ARL10: variants seen among roughly 807,000 people sequenced by gnomAD.
ARL10 encodes ARF like GTPase 10.
Under a neutral mutation model 26.1 loss-of-function variants are expected in ARL10, and 23 were observed. The ratio of observed to expected loss-of-function variants is 0.88; its 90% CI spans 0.63 to 1.25. The LOEUF (loss-of-function observed/expected upper bound fraction) is 1.25, where lower values mean the gene tolerates loss of function less well. ARL10 is among the 50% of genes most tolerant of loss of function. The probability of loss-of-function intolerance (pLI) is 0.00; values close to 1 mark genes in which losing one functional copy is unlikely to be tolerated. For missense variants in ARL10, 300 were observed against 323.6 expected (o/e 0.93, Z 0.56); for synonymous variants, 138 against 149.1 (o/e 0.93, Z 0.54).
At chr5:176,400,435 G>C (rs1756762265) in intron 1 of ARL10, among the ~76,000 whole-genome samples, 1 of 152,154 alleles carries the variant, frequency 6.6e-6, no homozygotes. Flanking sequence ...GCCAGGACTA[G>C]AGTCCAGGTC....
intron 1 of ARL10, chr5:176,387,078 CT>C (rs370678945): frequency 0.018 from 4,145 of 227,682 alleles, no homozygotes; most frequent in Middle Eastern, 0.036. Flanking sequence ...CTCTCTCTCT[CT>C]TTTTTTTTTT....
In ARL10 at chr5:176,377,207, A is replaced by G. The variant is rs537475100; in HGVS notation, c.*5312A>G. 1.3e-5 allele frequency: 2 copies of G among 152,346 alleles called. No homozygotes were observed. The highest frequency in any genetic ancestry group is 3.9e-4 in the East Asian group (2 of 5,194). 9.4% of individuals were successfully genotyped at this position (152,346 alleles called of 1,614,324 possible). A position where few individuals can be genotyped will look rare whatever the true frequency, so the allele number is the denominator to read the frequency against. Reference sequence around the variant, plus strand: ...CAGAAAAAAATGAAATTCAAAGCCAATGGTGGTATCTTTGGCCAAGATAAT... The same window carrying G: ...CAGAAAAAAATGAAATTCAAAGCCAGTGGTGGTATCTTTGGCCAAGATAAT... On this transcript the variant is annotated 3_prime_UTR_variant, in exon 4 of 4. Transcript: ENST00000310389. This position sits in a 1 kb window ranked among gnomAD's most constrained non-coding sequence, Gnocchi z 4.5.
chr5:176,369,615 T>C (rs1480470903), intron 3 of ARL10, among the ~76,000 whole-genome samples: 5 of 152,186 alleles, frequency 3.3e-5, no homozygotes, highest in African/African-American at 1.2e-4. Flanking sequence ...ATTTTATAGA[T>C]GGGACAGGCT....
chr5:176,401,395 C>T (rs1296293318), intron 1 of ARL10, among the ~76,000 whole-genome samples: 1 of 152,226 alleles, frequency 6.6e-6, no homozygotes, highest in Admixed American at 6.5e-5. Context: ...CACCCAATCC[C>T]CACTCCTTGA....
downstream of ARL10, chr5:176,406,466 T>C (rs1263461747): frequency 5.1e-6 from 6 of 1,184,232 alleles, no homozygotes; most frequent in African/African-American, 9.7e-5. Context: ...TTCTTTGGGA[T>C]TGATCAGCTA....
downstream of ARL10, chr5:176,389,362 C>CG (rs746966982): frequency 1.2e-6 from 2 of 1,613,848 alleles, no homozygotes; most frequent in African/African-American, 2.7e-5. Context: ...CCCTCACCTA[C>CG]GGCCTCTACT....
At chr5:176,411,095 C>T in the ARL10 span, among the ~76,000 whole-genome samples, 1 of 152,242 alleles carries the variant, frequency 6.6e-6, no homozygotes, top group African/African-American at 2.4e-5. Context: ...GTCTCTTTCT[C>T]TTCTCCTGTG....
downstream of ARL10, among the ~76,000 whole-genome samples, chr5:176,403,424 T>TTGGTTTTTTGTTTTTTGG (rs1160802483): frequency 1.3e-5 from 2 of 150,988 alleles, no homozygotes; most frequent in Non-Finnish European, 3.0e-5. Context: ...CCCTACATGG[T>TTGGTTTTTTGTTTTTTGG]TGGTTTTTTG....
In ARL10 at chr5:176,368,045, G is replaced by A. The variant is rs1561772027; in HGVS notation, c.386-762G>A. 1 of 512,662 alleles carries A rather than the reference G, an allele frequency of 2.0e-6. No individual in the cohort carries two copies. 31.8% of individuals were successfully genotyped at this position (512,662 alleles called of 1,614,324 possible). On this transcript the variant is annotated intron_variant, in intron 2 of 3. Transcript: ENST00000310389. This position sits in a 1 kb window ranked among gnomAD's most constrained non-coding sequence, Gnocchi z 4.1. ...GTGCTGAGGGCTTTGTGGGGATTCA[G>A]AGGTAAGTGCCTCTGACTCTCACAG...
At chr5:176,389,561 C>CCCTA, downstream of ARL10, 1 of 1,511,526 alleles carries the variant, frequency 6.6e-7, no homozygotes, top group East Asian at 2.3e-5. Context: ...CAACCACTGG[C>CCCTA]CCTACCGTGG....
In ARL10 at chr5:176,376,059, G is replaced by A. The variant is rs1231111495; in HGVS notation, c.*4164G>A. On this transcript the variant is annotated 3_prime_UTR_variant, in exon 4 of 4. Transcript: ENST00000310389. The stretch of plus-strand genomic sequence containing the variant: ...GTGTAGGGAAGCAAGCAGTAGTGGT[G>A]TTTAGAATATCAAGGTTAGCTGCTG... The A allele has an allele frequency of 6.6e-6, 1 of 152,126 alleles. No individual in the cohort carries two copies. Among genetic ancestry groups the A allele is most frequent in the Non-Finnish European group, 1.5e-5 (1 of 68,032 alleles). The allele number at this position is 152,126 out of a possible 1,614,324, so 9.4% of individuals were successfully genotyped here.
chr5:176,410,723 A>G, the ARL10 span, among the ~76,000 whole-genome samples: 33,267 of 152,046 alleles, frequency 0.22, 3,655 homozygotes, highest in South Asian at 0.3. Flanking sequence ...AGCTCAGGGC[A>G]GGGGCTACAC....
At chr5:176,408,210 C>A in the ARL10 span, among the ~76,000 whole-genome samples, 1 of 150,668 alleles carries the variant, frequency 6.6e-6, no homozygotes, top group African/African-American at 2.4e-5. Flanking sequence ...TAGAAATACA[C>A]TTACTAGGGT....
At chr5:176,366,357 A>G (rs753562907) in intron 1 of ARL10, 23 bp from the exon 2 acceptor site, 2 of 1,594,722 alleles carry the variant, frequency 1.3e-6, no homozygotes, top group East Asian at 2.3e-5. Context: ...GCCAGCCGCA[A>G]CCTTACCTCC....
chr5:176,410,760 G>A, the ARL10 span, among the ~76,000 whole-genome samples: 4 of 117,916 alleles, frequency 3.4e-5, no homozygotes, highest in Non-Finnish European at 4.1e-5. Flanking sequence ...GGGCCTACGC[G>A]TCTCTGCCTG....
Position 176,368,931 on chromosome 5 carries a change from G to A in ARL10, c.510G>A (p.Lys170=). The change falls in exon 3 of 4, where the codon AAG becomes AAA. Residue 170 remains lysine (K), a synonymous_variant. Coordinates refer to ENST00000310389, the MANE Select transcript of ARL10 (RefSeq NM_173664.6). The surrounding 1 kb of genome is among the most constrained non-coding windows in gnomAD (Gnocchi z 4.1). ...CCTGGGCCCGACAGGAGCTGCACAAGCTGCTGGACAAGGACCCTGACCTGC... is the reference window on the plus strand; with the variant it reads ...CCTGGGCCCGACAGGAGCTGCACAAACTGCTGGACAAGGACCCTGACCTGC... ...RLPWARQELH[K]LLDKDPDLPV... The A allele has an allele frequency of 6.2e-7, 1 of 1,614,156 alleles. No homozygotes were observed. The highest frequency in any genetic ancestry group is 8.5e-7 in the Non-Finnish European group (1 of 1,180,034).
intron 1 of ARL10, among the ~76,000 whole-genome samples, chr5:176,394,605 C>CAGG (rs537142551): frequency 0.081 from 12,237 of 151,744 alleles, 1,683 homozygotes; most frequent in African/African-American, 0.28. Flanking sequence ...ATCACGAGGT[C>CAGG]AGATGGAGAG....
In ARL10 at chr5:176,379,467, T is replaced by G. The variant is rs1276860739; in HGVS notation, c.*7572T>G. On this transcript the variant is annotated 3_prime_UTR_variant, in exon 4 of 4. Coordinates refer to ENST00000310389, the MANE Select transcript of ARL10 (RefSeq NM_173664.6). ...AACTATGTTCTTGAGTAAGAACTCC[T>G]GATGCCTGATTGTTATGTTTATGAA... 1 of 152,212 alleles carries G rather than the reference T, an allele frequency of 6.6e-6. No homozygotes were observed. The highest frequency in any genetic ancestry group is 1.5e-5 in the Non-Finnish European group (1 of 68,036). 9.4% of individuals were successfully genotyped at this position (152,212 alleles called of 1,614,324 possible).
the ARL10 span, among the ~76,000 whole-genome samples, chr5:176,411,395 T>C: frequency 6.6e-6 from 1 of 152,144 alleles, no homozygotes. Context: ...TAGCGCCTAC[T>C]CCTGCCTTGG....
Sources: allele counts gnomAD v4.1 joint callset (sites outside exome capture counted in the v4.1 genomes callset), GRCh38; gene constraint gnomAD v4.1.1; non-coding constraint Gnocchi (gnomAD v3.1); transcripts MANE v1.5; gene names NCBI Gene and HGNC (gene_info 2026-07-23, HGNC 2026-07-21).